IMMP2L: variants seen among roughly 807,000 people sequenced by gnomAD.
IMMP2L encodes the protein mitochondrial inner membrane protease subunit 2.
Under a neutral mutation model 19.3 loss-of-function variants are expected in IMMP2L, and 18 were observed. That is an observed-to-expected ratio of 0.93 (90% CI 0.64 to 1.38). The LOEUF (loss-of-function observed/expected upper bound fraction) is 1.38, where lower values mean the gene tolerates loss of function less well. IMMP2L is among the 40% of genes most tolerant of loss of function. The pLI, the probability that IMMP2L is intolerant of heterozygous loss-of-function variation, is 0.00. For synonymous variants in IMMP2L, 76 were observed against 73.0 expected, an observed-to-expected ratio of 1.04 and a Z score of -0.21; for missense variants, 233 against 218.2, an observed-to-expected ratio of 1.07 and a Z score of -0.43.
intron 3 of IMMP2L, among the ~76,000 whole-genome samples, chr7:111,461,008 C>G (rs1840087505): frequency 1.2e-5 from 1 of 83,346 alleles, no homozygotes; most frequent in Admixed American, 9.9e-5. Context: ...ACAGCATAAT[C>G]TTTTTCCATG....
intron 3 of IMMP2L, among the ~76,000 whole-genome samples, chr7:111,179,431 T>C (rs1489811044): frequency 6.6e-6 from 1 of 152,020 alleles, no homozygotes; most frequent in African/African-American, 2.4e-5. Flanking sequence ...TTGTTATGTG[T>C]GGCCCAAGAC....
At chr7:110,768,062 G>A (rs1435848259) in intron 5 of IMMP2L, among the ~76,000 whole-genome samples, 1 of 152,024 alleles carries the variant, frequency 6.6e-6, no homozygotes, top group Non-Finnish European at 1.5e-5. Context: ...ACAGATAAAC[G>A]CATACTTAAG....
intron 5 of IMMP2L, among the ~76,000 whole-genome samples, chr7:110,786,274 A>G (rs1800072419): frequency 6.6e-6 from 1 of 152,006 alleles, no homozygotes; most frequent in Admixed American, 6.6e-5. Context: ...AAAATATCAG[A>G]TGAGTTTTTC....
At chr7:111,132,789 G>C (rs1382758457) in intron 3 of IMMP2L, among the ~76,000 whole-genome samples, 2 of 151,962 alleles carry the variant, frequency 1.3e-5, no homozygotes, top group Non-Finnish European at 2.9e-5. Context: ...AAAATCTATA[G>C]CTACCCATAG....
chr7:111,374,067 A>C (rs1007236577), intron 3 of IMMP2L, among the ~76,000 whole-genome samples: 2 of 152,000 alleles, frequency 1.3e-5, no homozygotes, highest in African/African-American at 4.8e-5. Flanking sequence ...CAGTTCCTGA[A>C]AAAAGCCAAG....
intron 3 of IMMP2L, among the ~76,000 whole-genome samples, chr7:111,460,734 T>C (rs930776270): frequency 1.3e-5 from 2 of 152,034 alleles, no homozygotes; most frequent in African/African-American, 2.4e-5. Context: ...AAGCCCAACA[T>C]GATGTTCTAT....
chr7:111,558,134 A>G (rs1266198123), intron 1 of IMMP2L, among the ~76,000 whole-genome samples: 3 of 152,214 alleles, frequency 2.0e-5, no homozygotes, highest in Admixed American at 2.0e-4. Context: ...ATCAACAGAG[A>G]AGCCAGAGAA....
At chr7:110,900,402 T>C (rs1284337450) in intron 4 of IMMP2L, among the ~76,000 whole-genome samples, 1 of 152,158 alleles carries the variant, frequency 6.6e-6, no homozygotes, top group Non-Finnish European at 1.5e-5. Flanking sequence ...AGAACAACAA[T>C]CTCGCTCCTT....
rs114042102 is a variant in IMMP2L at position 110,723,948 on chromosome 7, A to G, written c.409-60227T>C. 5.3e-3 allele frequency among the ~76,000 whole-genome samples: 810 copies of G among 152,188 alleles called. 10 individuals carry two copies. Among genetic ancestry groups the G allele is most frequent in the African/African-American group, 0.019 (772 of 41,558 alleles). On this transcript the variant is annotated intron_variant, in intron 5 of 5. Coordinates refer to ENST00000405709, the MANE Select transcript of IMMP2L (RefSeq NM_032549.4). ...TGCTAAGAAAATATTTAGCAGAACC[A>G]TTTGTAAATGCTTAATAGAAAGAGC...
chr7:111,286,517 C>A (rs1343371374), intron 3 of IMMP2L, among the ~76,000 whole-genome samples: 1 of 152,080 alleles, frequency 6.6e-6, no homozygotes, highest in Non-Finnish European at 1.5e-5. Context: ...AAGGTCTACT[C>A]CCTAGCAGAA....
At chr7:111,430,474 T>C (rs1436168364) in intron 3 of IMMP2L, among the ~76,000 whole-genome samples, 1 of 151,772 alleles carries the variant, frequency 6.6e-6, no homozygotes, top group East Asian at 1.9e-4. Flanking sequence ...ATAATAGATC[T>C]ATAGTTCTGA....
intron 3 of IMMP2L, among the ~76,000 whole-genome samples, chr7:111,279,247 A>C (rs552771613): frequency 1.3e-5 from 2 of 152,334 alleles, no homozygotes; most frequent in East Asian, 3.9e-4. Flanking sequence ...ATGTGGTCTT[A>C]GCCTGATTCA....
chr7:111,163,648 A>AT (rs776327490), intron 3 of IMMP2L, among the ~76,000 whole-genome samples: 3 of 152,038 alleles, frequency 2.0e-5, no homozygotes, highest in Non-Finnish European at 4.4e-5. Context: ...TGAGCTTTAG[A>AT]TGAGGGTAGG....
At chr7:111,270,244 G>A (rs1370182316) in intron 3 of IMMP2L, among the ~76,000 whole-genome samples, 2 of 152,102 alleles carry the variant, frequency 1.3e-5, no homozygotes, top group Non-Finnish European at 2.9e-5. Flanking sequence ...TGTGTCAAGT[G>A]AATGTACTGT....
intron 5 of IMMP2L, among the ~76,000 whole-genome samples, chr7:110,817,810 A>G (rs761467632): frequency 4.6e-5 from 7 of 152,164 alleles, no homozygotes; most frequent in African/African-American, 9.6e-5. Context: ...ATAACGCCGC[A>G]TATCTACAAC....
At chr7:111,081,249 A>G (rs1017603463) in intron 3 of IMMP2L, among the ~76,000 whole-genome samples, 4 of 152,224 alleles carry the variant, frequency 2.6e-5, no homozygotes, top group African/African-American at 9.6e-5. Flanking sequence ...TACATGAAAT[A>G]TATGTTTATT....
intron 1 of IMMP2L, among the ~76,000 whole-genome samples, chr7:111,523,291 A>G (rs1846530757): frequency 6.6e-6 from 1 of 152,080 alleles, no homozygotes; most frequent in South Asian, 2.1e-4. Flanking sequence ...TCTTACCACA[A>G]AAATGATAAA....
chr7:111,136,934 G>A (rs1802403452), intron 3 of IMMP2L, among the ~76,000 whole-genome samples: 1 of 152,180 alleles, frequency 6.6e-6, no homozygotes. Flanking sequence ...ACAGGTGGTA[G>A]TGACAGGGAT....
chr7:111,398,842 G>T (rs1440492578), intron 3 of IMMP2L, among the ~76,000 whole-genome samples: 1 of 145,148 alleles, frequency 6.9e-6, no homozygotes, highest in Admixed American at 6.9e-5. Flanking sequence ...TGACCAAGCA[G>T]AGAATCAAAT....
Sources: allele counts gnomAD v4.1 joint callset (sites outside exome capture counted in the v4.1 genomes callset), GRCh38; gene constraint gnomAD v4.1.1; transcripts MANE v1.5; gene names NCBI Gene and HGNC (gene_info 2026-07-23, HGNC 2026-07-21).